FGGY: variants seen among roughly 807,000 people sequenced by gnomAD.
FGGY encodes FGGY carbohydrate kinase domain-containing protein.
Under a neutral mutation model 71.3 loss-of-function variants are expected in FGGY, and 72 were observed. The ratio of observed to expected loss-of-function variants is 1.01; its 90% CI spans 0.84 to 1.23. The LOEUF (loss-of-function observed/expected upper bound fraction) is 1.23, where lower values mean the gene tolerates loss of function less well. Among genes scored for constraint, FGGY ranks in the 50% most tolerant of loss-of-function variants. The pLI, the probability that FGGY is intolerant of heterozygous loss-of-function variation, is 0.00. For synonymous variants in FGGY, 251 were observed against 250.3 expected, an observed-to-expected ratio of 1.00 and a Z score of -0.02; for missense variants, 668 against 682.3, an observed-to-expected ratio of 0.98 and a Z score of 0.23.
intron 5 of FGGY, among the ~76,000 whole-genome samples, chr1:59,433,806 G>T (rs146397715): frequency 1.1e-4 from 16 of 152,118 alleles, no homozygotes; most frequent in Non-Finnish European, 2.1e-4. Flanking sequence ...CGTTACCCAC[G>T]TGCTGGTTAG....
intron 5 of FGGY, among the ~76,000 whole-genome samples, chr1:59,447,198 G>T (rs141052610): frequency 1.3e-5 from 2 of 152,170 alleles, no homozygotes; most frequent in African/African-American, 4.8e-5. Flanking sequence ...GGTGATTATA[G>T]TAGCTTTACT....
In FGGY at chr1:59,542,504, G is replaced by A. The variant is rs780213708; in HGVS notation, c.800-11620G>A. 4.8e-4 allele frequency among the ~76,000 whole-genome samples: 57 copies of A among 118,654 alleles called. 1 individual carries two copies. Among genetic ancestry groups the A allele is most frequent in the Non-Finnish European group, 8.8e-4 (55 of 62,272 alleles). 77.8% of individuals were successfully genotyped at this position (118,654 alleles called of 152,430 possible). A position where few individuals can be genotyped will look rare whatever the true frequency, so the allele number is the denominator to read the frequency against. On this transcript the variant is annotated intron_variant, in intron 7 of 15. Transcript: ENST00000303721. ...GATGGAGTTTCACTCTTGTTGCCCA[G>A]GCTGGAGTGCGATGGCACGATCTTG... is the stretch of plus-strand genomic sequence containing the variant.
At chr1:59,365,916 G>T (rs1478760446) in intron 4 of FGGY, among the ~76,000 whole-genome samples, 1 of 152,200 alleles carries the variant, frequency 6.6e-6, no homozygotes, top group South Asian at 2.1e-4. Flanking sequence ...GGGGCTTAAA[G>T]AAATTAATTT....
chr1:59,598,631 G>A (rs1429228610), intron 8 of FGGY, among the ~76,000 whole-genome samples: 1 of 152,084 alleles, frequency 6.6e-6, no homozygotes, highest in Non-Finnish European at 1.5e-5. Context: ...ATCTTGTTTT[G>A]CTGAGACTGA....
At chr1:59,591,616 G>T (rs1190694880) in intron 8 of FGGY, among the ~76,000 whole-genome samples, 2 of 152,244 alleles carry the variant, frequency 1.3e-5, no homozygotes, top group East Asian at 1.9e-4. Flanking sequence ...ACAGGACAGA[G>T]CCCTCAGAAA....
chr1:59,499,295 G>GTTTTTTTTTTTTTT (rs1558134095), intron 6 of FGGY, among the ~76,000 whole-genome samples: 1 of 70,118 alleles, frequency 1.4e-5, no homozygotes, highest in African/African-American at 7.9e-5. Flanking sequence ...TGTATACTAT[G>GTTTTTTTTTTTTTT]TTTGTTTTTT....
intron 5 of FGGY, among the ~76,000 whole-genome samples, chr1:59,398,453 G>A (rs2061577667): frequency 6.6e-6 from 1 of 152,124 alleles, no homozygotes; most frequent in African/African-American, 2.4e-5. Context: ...TGGCCAGGCT[G>A]GTCTTGAACT....
intron 5 of FGGY, among the ~76,000 whole-genome samples, chr1:59,382,870 G>C (rs1263113604): frequency 6.6e-6 from 1 of 152,130 alleles, no homozygotes; most frequent in East Asian, 1.9e-4. Flanking sequence ...GATTCTTTCT[G>C]ATGGCTCTGG....
chr1:59,368,996 G>A (rs1639168461), intron 4 of FGGY, among the ~76,000 whole-genome samples: 2 of 152,138 alleles, frequency 1.3e-5, no homozygotes, highest in African/African-American at 4.8e-5. Context: ...GCAGAAGACG[G>A]GTGATTTCTG....
intron 15 of FGGY, among the ~76,000 whole-genome samples, chr1:59,759,725 C>T (rs1214804627): frequency 6.6e-6 from 1 of 152,172 alleles, no homozygotes; most frequent in African/African-American, 2.4e-5. Context: ...TAATAGATCA[C>T]ACTGTTAACG....
At chr1:59,498,424 T>C (rs2094116849) in intron 6 of FGGY, among the ~76,000 whole-genome samples, 1 of 152,186 alleles carries the variant, frequency 6.6e-6, no homozygotes, top group African/African-American at 2.4e-5. Flanking sequence ...TGGGAGCTTT[T>C]AAAAATAAGA....
chr1:59,336,849 A>G (rs1213786340), intron 2 of FGGY, among the ~76,000 whole-genome samples: 1 of 152,024 alleles, frequency 6.6e-6, no homozygotes, highest in Non-Finnish European at 1.5e-5. Context: ...CGAGTGTGAC[A>G]TATTTCTCCA....
intron 14 of FGGY, among the ~76,000 whole-genome samples, chr1:59,691,987 T>TA (rs1438173718): frequency 1.3e-5 from 2 of 152,148 alleles, no homozygotes; most frequent in Non-Finnish European, 2.9e-5. Context: ...GCTTGGTAAA[T>TA]ATGTGTTCAT....
At chr1:59,584,449 G>T (rs2096248918) in intron 8 of FGGY, among the ~76,000 whole-genome samples, 1 of 149,762 alleles carries the variant, frequency 6.7e-6, no homozygotes, top group African/African-American at 2.5e-5. Flanking sequence ...TGCAGAAAAG[G>T]CCTTTGACAA....
chr1:59,407,482 C>T (rs948773501), intron 5 of FGGY, among the ~76,000 whole-genome samples: 1 of 152,090 alleles, frequency 6.6e-6, no homozygotes. Flanking sequence ...GGAAAGCAGC[C>T]GGTGCCTCTT....
chr1:59,301,706 C>CTTTTTT (rs34290988), intron 1 of FGGY, among the ~76,000 whole-genome samples: 75 of 54,972 alleles, frequency 1.4e-3, no homozygotes, highest in African/African-American at 3.7e-3. Context: ...TGTGATCATT[C>CTTTTTT]TTTTTTTTTT....
intron 11 of FGGY, among the ~76,000 whole-genome samples, chr1:59,640,878 T>C (rs2097018331): frequency 6.6e-6 from 1 of 150,948 alleles, no homozygotes; most frequent in South Asian, 2.1e-4. Flanking sequence ...CCTGTTACAG[T>C]TGTTGGGGGA....
intron 6 of FGGY, among the ~76,000 whole-genome samples, chr1:59,482,547 T>C (rs626456): frequency 0.5 from 76,065 of 150,702 alleles, 19,674 homozygotes; most frequent in African/African-American, 0.62. Flanking sequence ...CAGATTTATA[T>C]ATGTGTGTCT....
At chr1:59,426,132 T>C (rs946575) in intron 5 of FGGY, among the ~76,000 whole-genome samples, 33,287 of 152,058 alleles carry the variant, frequency 0.22, 3,748 homozygotes, top group African/African-American at 0.29. Flanking sequence ...AACATGTCCA[T>C]CTCTCACCCC....
Sources: allele counts gnomAD v4.1 joint callset (sites outside exome capture counted in the v4.1 genomes callset), GRCh38; gene constraint gnomAD v4.1.1; transcripts MANE v1.5; gene names NCBI Gene and HGNC (gene_info 2026-07-23, HGNC 2026-07-21).